FRRS1L: variants seen among roughly 807,000 people sequenced by gnomAD.
FRRS1L encodes DOMON domain-containing protein FRRS1L.
A neutral mutation model predicts 28.6 loss-of-function variants in FRRS1L; 22 were observed. The ratio of observed to expected loss-of-function variants is 0.77; its 90% CI spans 0.55 to 1.10. FRRS1L has a LOEUF of 1.10. Ranked by LOEUF, FRRS1L falls within the 50% of genes least tolerant of loss-of-function variation. The probability of loss-of-function intolerance (pLI) is 0.00; values close to 1 mark genes in which losing one functional copy is unlikely to be tolerated. For synonymous variants in FRRS1L, 158 were observed against 151.4 expected (o/e 1.04, Z -0.32); for missense variants, 380 against 386.9 (o/e 0.98, Z 0.15).
Position 109,141,566 on chromosome 9 carries a change from G to T in FRRS1L, c.486C>A (p.Cys162Ter), listed in dbSNP as rs779716535. 8 of 1,613,370 alleles carry T rather than the reference G, an allele frequency of 5.0e-6. No homozygotes were observed. Among genetic ancestry groups the T allele is most frequent in the African/African-American group, 2.7e-5 (2 of 74,910 alleles). Residue 162 changes from cysteine to a stop codon, truncating the protein, a stop_gained, in exon 4 of 5, where the codon TGC (cysteine) becomes TGA (stop). Coordinates refer to ENST00000561981, the MANE Select transcript of FRRS1L (RefSeq NM_014334.4). LOFTEE classifies it high-confidence loss of function. ...GGACCCTGCCATTGTCATCATGGAC[G>T]CAGGCCATGACATCATCACCACCCT... ...KKMGGDDVMA[C>*]VHDDNGRVRI... is the part of the protein sequence containing the mutation.
chr9:109,137,741 G>T (rs1831133702), intron 4 of FRRS1L, 114 bp from the exon 5 acceptor site: 1 of 530,504 alleles, frequency 1.9e-6, no homozygotes, highest in Admixed American at 3.3e-5. Context: ...CGTAAGCAGT[G>T]GTTACAAAGA....
chr9:109,154,348 T>A (rs1831377419), intron 1 of FRRS1L, among the ~76,000 whole-genome samples: 2 of 152,262 alleles, frequency 1.3e-5, no homozygotes, highest in Admixed American at 1.3e-4. Context: ...GACAATTCCC[T>A]GGGCTGGTCT....
chr9:109,140,904 A>C (rs1275677287), intron 4 of FRRS1L: 1 of 174,132 alleles, frequency 5.7e-6, no homozygotes, highest in African/African-American at 2.4e-5. Context: ...GGTCAGACAG[A>C]CTTAGGATTG....
At chr9:109,142,105 CAA>C (rs1326435238) in intron 3 of FRRS1L, among the ~76,000 whole-genome samples, 2 of 151,910 alleles carry the variant, frequency 1.3e-5, no homozygotes, top group Admixed American at 1.3e-4. Context: ...TGAAAACAAA[CAA>C]TATATTTAAT....
chr9:109,138,790 C>T (rs1831145235), intron 4 of FRRS1L: 1 of 152,364 alleles, frequency 6.6e-6, no homozygotes, highest in South Asian at 2.1e-4. Flanking sequence ...AACTATGCGC[C>T]TACAGTTCAT....
rs767158613 is a variant in FRRS1L at position 109,134,268 on chromosome 9, T to C, written c.*3187A>G. The C allele has an allele frequency of 6.6e-6, 1 of 152,162 alleles. No homozygotes were observed. The highest frequency in any genetic ancestry group is 1.5e-5 in the Non-Finnish European group (1 of 68,022). The allele number at this position is 152,162 out of a possible 1,614,324, so 9.4% of individuals were successfully genotyped here. Reference sequence around the variant, plus strand: ...AAATATCTGCTACAATGATGAGTAATGGTCTCTGCATTAGGGAGATAACAA... The same window carrying C: ...AAATATCTGCTACAATGATGAGTAACGGTCTCTGCATTAGGGAGATAACAA... On this transcript the variant is annotated 3_prime_UTR_variant, in exon 5 of 5. Coordinates refer to ENST00000561981, the MANE Select transcript of FRRS1L (RefSeq NM_014334.4).
chr9:109,150,057 A>G (rs1831313328), intron 1 of FRRS1L: 1 of 181,850 alleles, frequency 5.5e-6, no homozygotes. Context: ...TACAATATAC[A>G]TGTTCTAAGA....
intron 1 of FRRS1L, among the ~76,000 whole-genome samples, chr9:109,155,433 G>C (rs1443089140): frequency 6.6e-6 from 1 of 152,128 alleles, no homozygotes; most frequent in Non-Finnish European, 1.5e-5. Flanking sequence ...CTAGGATAAG[G>C]CTGGGCACAG....
In FRRS1L at chr9:109,150,625, C is replaced by A. The variant is rs545548692; in HGVS notation, c.239-905G>T. 2.0e-5 allele frequency: 3 copies of A among 151,342 alleles called. No individual in the cohort carries two copies. The East Asian group carries it at 5.8e-4, about 29-fold the overall frequency. 9.4% of individuals were successfully genotyped at this position (151,342 alleles called of 1,614,324 possible). A position where few individuals can be genotyped will look rare whatever the true frequency, so the allele number is the denominator to read the frequency against. The stretch of plus-strand genomic sequence containing the variant: ...ATACACCATAATGCATCAAACCATA[C>A]CATACCCAACTTGTCGCTAAATTCT... On this transcript the variant is annotated intron_variant, in intron 1 of 4. Transcript: ENST00000561981.
chr9:109,144,759 C>A (rs1831233463), intron 3 of FRRS1L, among the ~76,000 whole-genome samples: 1 of 152,094 alleles, frequency 6.6e-6, no homozygotes, highest in East Asian at 1.9e-4. Flanking sequence ...TCTCAGCTCG[C>A]TGCAACCTCC....
chr9:109,143,517 T>G, intron 3 of FRRS1L, among the ~76,000 whole-genome samples: 1 of 2,050 alleles, frequency 4.9e-4, no homozygotes, highest in Non-Finnish European at 9.1e-4. Context: ...ATAATGCACC[T>G]TTTTTTTTTT....
Position 109,141,552 on chromosome 9 carries a change from T to C in FRRS1L, c.500A>G (p.Asn167Ser). The change falls in exon 4 of 5, where the codon AAT (asparagine) becomes AGT (serine). Residue 167 changes from asparagine (N) to serine (S), a missense_variant. Coordinates refer to ENST00000561981, the MANE Select transcript of FRRS1L (RefSeq NM_014334.4). ...GAAGTGCTGTATGCGGACCCTGCCA[T>C]TGTCATCATGGACGCAGGCCATGAC... ...DDVMACVHDD[N>S]GRVRIQHFYN... 1 of 1,614,068 alleles carries C rather than the reference T, an allele frequency of 6.2e-7. No individual in the cohort carries two copies. Among genetic ancestry groups the C allele is most frequent in the Non-Finnish European group, 8.5e-7 (1 of 1,179,978 alleles).
At chr9:109,148,991 T>C (rs761939116) in intron 2 of FRRS1L, among the ~76,000 whole-genome samples, 11 of 152,174 alleles carry the variant, frequency 7.2e-5, no homozygotes, top group Non-Finnish European at 1.2e-4. Context: ...ACAGTGACCA[T>C]CAAAACTTTG....
intron 1 of FRRS1L, among the ~76,000 whole-genome samples, chr9:109,163,476 A>C (rs542891257): frequency 6.6e-6 from 1 of 152,198 alleles, no homozygotes; most frequent in Non-Finnish European, 1.5e-5. Flanking sequence ...AATTCTGAAC[A>C]CTAGCATAAC....
chr9:109,146,938 C>A, intron 3 of FRRS1L, 113 bp downstream of exon 3: 3 of 952,286 alleles, frequency 3.2e-6, no homozygotes, highest in Non-Finnish European at 1.6e-6. Context: ...AATCAGAGAG[C>A]CATAACTAAT....
intron 1 of FRRS1L, among the ~76,000 whole-genome samples, chr9:109,164,881 T>C (rs972603613): frequency 1.1e-4 from 16 of 152,204 alleles, no homozygotes; most frequent in African/African-American, 3.9e-4. Flanking sequence ...CTGAAGTCTT[T>C]CCTACTTCAT....
At chr9:109,154,310 C>T (rs1831377011) in intron 1 of FRRS1L, among the ~76,000 whole-genome samples, 1 of 152,118 alleles carries the variant, frequency 6.6e-6, no homozygotes, top group Non-Finnish European at 1.5e-5. Flanking sequence ...TCCCTTTTTG[C>T]TTCTCCAGTC....
chr9:109,149,992 C>CTTTTTTTTTTTTTTTTAG (rs1410499429), intron 1 of FRRS1L: 1 of 349,922 alleles, frequency 2.9e-6, no homozygotes. Flanking sequence ...GGCACAATTT[C>CTTTTTTTTTTTTTTTTAG]ATATAACCAC....
At chr9:109,147,422 G>A in intron 2 of FRRS1L, 1 of 458,876 alleles carries the variant, frequency 2.2e-6, no homozygotes, top group East Asian at 3.6e-5. Flanking sequence ...CTTGCCCGAG[G>A]TTGTATAGTG....
Sources: allele counts gnomAD v4.1 joint callset (sites outside exome capture counted in the v4.1 genomes callset), GRCh38; gene constraint gnomAD v4.1.1; transcripts MANE v1.5; gene names NCBI Gene and HGNC (gene_info 2026-07-23, HGNC 2026-07-21).